The following LRTM1 variants were observed in gnomAD, a reference collection of about 807,000 sequenced individuals.
The protein encoded by LRTM1 is leucine rich repeat transmembrane protein 1.
LRTM1 carries 38 observed loss-of-function variants against 32.4 expected under a neutral mutation model. That is an observed-to-expected ratio of 1.17 (90% CI 0.91 to 1.54). The LOEUF (loss-of-function observed/expected upper bound fraction) is 1.54, where lower values mean the gene tolerates loss of function less well. Among genes scored for constraint, LRTM1 ranks in the 40% most tolerant of loss-of-function variants. The pLI, the probability that LRTM1 is intolerant of heterozygous loss-of-function variation, is 0.00. For missense variants in LRTM1, 466 were observed against 415.4 expected (o/e 1.12, Z -1.06); for synonymous variants, 186 against 169.9 (o/e 1.09, Z -0.74).
chr3:54,944,069 C>T (rs952543665), intron 1 of LRTM1, among the ~76,000 whole-genome samples: 20 of 152,272 alleles, frequency 1.3e-4, no homozygotes, highest in African/African-American at 4.8e-4. Flanking sequence ...GCTCCATTTT[C>T]TTTTGACTTC....
At chr3:54,936,186 A>G (rs771127316) in intron 1 of LRTM1, among the ~76,000 whole-genome samples, 19 of 152,162 alleles carry the variant, frequency 1.2e-4, no homozygotes, top group Non-Finnish European at 2.4e-4. Context: ...AATCTTTTGC[A>G]CATAGTAATA....
intron 1 of LRTM1, among the ~76,000 whole-genome samples, chr3:54,963,305 G>T (rs1160594651): frequency 6.6e-6 from 1 of 151,998 alleles, no homozygotes; most frequent in Non-Finnish European, 1.5e-5. Context: ...GTGGAGAATT[G>T]TACCTTCCAT....
chr3:54,919,820 T>C (rs1475562499), intron 2 of LRTM1, among the ~76,000 whole-genome samples: 1 of 152,232 alleles, frequency 6.6e-6, no homozygotes, highest in Non-Finnish European at 1.5e-5. Context: ...AGGTAACTCT[T>C]GTCCAGACTC....
rs764236540 is a variant in LRTM1, at chr3:54,924,887, G to T, written c.336C>A (p.Ser112=). 8 of 1,613,634 alleles carry T rather than the reference G, an allele frequency of 5.0e-6. No homozygotes were observed. The highest frequency in any genetic ancestry group is 1.6e-4 in the Middle Eastern group (1 of 6,084). ...VLNLTQNSLL[S]LESRLFHSLP... is the part of the protein sequence containing the mutation. ...GGGAATGGAAAAGTCTGCTTTCCAG[G>T]GAAAGGAGTGAATTCTGGGTTAGAT... The change falls in exon 2 of 3, where the codon TCC becomes TCA. Residue 112 remains serine, a synonymous_variant. Coordinates refer to ENST00000273286, the MANE Select transcript of LRTM1 (RefSeq NM_020678.4).
At chr3:54,945,954 C>T (rs1296002729) in intron 1 of LRTM1, among the ~76,000 whole-genome samples, 1 of 152,214 alleles carries the variant, frequency 6.6e-6, no homozygotes, top group African/African-American at 2.4e-5. Context: ...TATCCCGGCT[C>T]CTGCTCTTCA....
chr3:54,955,920 C>T (rs1019529044), intron 1 of LRTM1, among the ~76,000 whole-genome samples: 1 of 152,176 alleles, frequency 6.6e-6, no homozygotes, highest in African/African-American at 2.4e-5. Flanking sequence ...GCCTCGCCAT[C>T]TGCCTGATGA....
intron 2 of LRTM1, among the ~76,000 whole-genome samples, 191 bp downstream of exon 2, chr3:54,924,428 C>T (rs1443494233): frequency 6.6e-6 from 1 of 152,130 alleles, no homozygotes; most frequent in Admixed American, 6.5e-5. Flanking sequence ...AGATTAATTT[C>T]GAACCTGAAT....
chr3:54,938,530 A>G lies in LRTM1; in HGVS notation c.-221-13315T>C, dbSNP rs558697118. 7.3e-4 allele frequency among the ~76,000 whole-genome samples: 111 copies of G among 152,254 alleles called. 1 individual carries two copies. Among genetic ancestry groups the G allele is most frequent in the South Asian group, 1.9e-3 (9 of 4,824 alleles). ...AAGTTTGACTAGCCCAAATGCCCCT[A>G]AAGTATATAATACAAAGCCAAGCAT... On this transcript the variant is annotated intron_variant, in intron 1 of 2. Transcript: ENST00000493075.
chr3:54,945,611 G>C (rs1701593183), intron 1 of LRTM1, among the ~76,000 whole-genome samples: 1 of 152,086 alleles, frequency 6.6e-6, no homozygotes, highest in African/African-American at 2.4e-5. Flanking sequence ...TCAAACTTTA[G>C]TGTCAGTGCC....
chr3:54,961,391 A>G (rs941011203), intron 1 of LRTM1, among the ~76,000 whole-genome samples: 1 of 152,214 alleles, frequency 6.6e-6, no homozygotes, highest in South Asian at 2.1e-4. Flanking sequence ...AAGAGATGAA[A>G]TATATGGGAA....
At chr3:54,936,652 G>A (rs1701336997) in intron 1 of LRTM1, among the ~76,000 whole-genome samples, 1 of 152,130 alleles carries the variant, frequency 6.6e-6, no homozygotes, top group Non-Finnish European at 1.5e-5. Context: ...CTCGTGCTGT[G>A]ATTTTTTAAG....
chr3:54,943,946 T>C (rs954896599), intron 1 of LRTM1, among the ~76,000 whole-genome samples: 10 of 152,226 alleles, frequency 6.6e-5, no homozygotes, highest in African/African-American at 2.4e-4. Context: ...GGTGGTAAAA[T>C]TTCCTCCGAC....
intron 1 of LRTM1, among the ~76,000 whole-genome samples, chr3:54,939,047 G>T (rs1478297097): frequency 6.6e-6 from 1 of 152,146 alleles, no homozygotes; most frequent in Non-Finnish European, 1.5e-5. Context: ...TCTCCATTTG[G>T]GATAATGAGG....
At chr3:54,918,995 CTT>C (rs3832225) in intron 2 of LRTM1, 103 bp from the exon 3 acceptor site, 308,180 of 705,030 alleles carry the variant, frequency 0.44, 67,140 homozygotes, top group East Asian at 0.74. Flanking sequence ...TATGAAGTAC[CTT>C]TTTTTTTTTT....
chr3:54,962,044 C>G (rs1702041510), intron 1 of LRTM1, among the ~76,000 whole-genome samples: 1 of 147,062 alleles, frequency 6.8e-6, no homozygotes, highest in Non-Finnish European at 1.5e-5. Flanking sequence ...GTCCCACTCT[C>G]ATGATAACTC....
intron 1 of LRTM1, among the ~76,000 whole-genome samples, chr3:54,939,437 G>A (rs1010390622): frequency 1.3e-5 from 2 of 152,204 alleles, no homozygotes; most frequent in African/African-American, 2.4e-5. Context: ...CCCCTGGCAT[G>A]TGGAGAAATG....
intron 1 of LRTM1, among the ~76,000 whole-genome samples, chr3:54,950,593 A>C (rs1264009039): frequency 6.6e-6 from 1 of 152,210 alleles, no homozygotes; most frequent in Non-Finnish European, 1.5e-5. Context: ...TGATCAAAGA[A>C]AATATGCCAA....
intron 1 of LRTM1, among the ~76,000 whole-genome samples, chr3:54,933,924 A>G (rs1271899387): frequency 6.6e-6 from 1 of 151,838 alleles, no homozygotes; most frequent in Non-Finnish European, 1.5e-5. Flanking sequence ...ACACACCACC[A>G]TGCCCAGCTA....
At chr3:54,933,647 A>G (rs1701260920) in intron 1 of LRTM1, among the ~76,000 whole-genome samples, 2 of 152,232 alleles carry the variant, frequency 1.3e-5, no homozygotes, top group Non-Finnish European at 1.5e-5. Flanking sequence ...TAAAGTGACA[A>G]CAACTCACTA....
Sources: allele counts gnomAD v4.1 joint callset (sites outside exome capture counted in the v4.1 genomes callset), GRCh38; gene constraint gnomAD v4.1.1; transcripts MANE v1.5; gene names NCBI Gene and HGNC (gene_info 2026-07-23, HGNC 2026-07-21).